The following RAC1 variants were observed in gnomAD, a reference collection of about 807,000 sequenced individuals.
RAC1 encodes the protein Rac family small GTPase 1, also known as ras-related C3 botulinum toxin substrate 1.
RAC1 carries 2 observed loss-of-function variants against 25.2 expected under a neutral mutation model. The ratio of observed to expected loss-of-function variants is 0.08; its 90% CI spans 0.03 to 0.25. The LOEUF is 0.25. RAC1 is among the 10% of genes least tolerant of loss of function. RAC1 has a pLI of 1.00. For missense variants in RAC1, 50 were observed against 235.7 expected (o/e 0.21, Z 5.16); for synonymous variants, 88 against 94.0 (o/e 0.94, Z 0.37).
intron 1 of RAC1, among the ~76,000 whole-genome samples, chr7:6,385,187 C>T (rs546346072): frequency 1.3e-5 from 2 of 152,182 alleles, no homozygotes; most frequent in Non-Finnish European, 2.9e-5. Flanking sequence ...ACAGTTATCA[C>T]ACGCATAATT....
At chr7:6,389,854 T>G (rs1783037185) in intron 2 of RAC1, among the ~76,000 whole-genome samples, 1 of 152,124 alleles carries the variant, frequency 6.6e-6, no homozygotes, top group Non-Finnish European at 1.5e-5. Context: ...ACATTTTTAG[T>G]CTCTTGTGAA....
chr7:6,393,840 A>G (rs901875233), intron 3 of RAC1, among the ~76,000 whole-genome samples: 1 of 152,180 alleles, frequency 6.6e-6, no homozygotes, highest in African/African-American at 2.4e-5. Flanking sequence ...CAGTGGAAGC[A>G]TTCCTGTCTG....
At chr7:6,391,025 T>C (rs1165367974) in intron 2 of RAC1, among the ~76,000 whole-genome samples, 1 of 152,120 alleles carries the variant, frequency 6.6e-6, no homozygotes, top group Non-Finnish European at 1.5e-5. Context: ...GCCTCCCAAG[T>C]AGCTGGGACT....
chr7:6,392,603 G>C (rs1783119237), intron 3 of RAC1, among the ~76,000 whole-genome samples: 1 of 152,188 alleles, frequency 6.6e-6, no homozygotes, highest in Admixed American at 6.5e-5. Flanking sequence ...TTCTGTATCA[G>C]ACAACTAAGT....
At chr7:6,402,191 A>G in intron 5 of RAC1, 125 bp from the exon 6 acceptor site, 1 of 1,468,276 alleles carries the variant, frequency 6.8e-7, no homozygotes, top group Middle Eastern at 1.9e-4. Flanking sequence ...TCAGCGTTGG[A>G]AGGTGGAAGC....
intron 1 of RAC1, among the ~76,000 whole-genome samples, chr7:6,378,213 C>T (rs575391665): frequency 6.6e-5 from 10 of 152,088 alleles, no homozygotes; most frequent in Non-Finnish European, 1.3e-4. Context: ...TTTTTTCCTT[C>T]TGGGACCCTG....
chr7:6,374,658 C>A lies in RAC1; in HGVS notation c.-78C>A. The A allele has an allele frequency of 1.0e-6, 1 of 992,368 alleles. No homozygotes were observed. The allele number at this position is 992,368 out of a possible 1,614,324, so 61.5% of individuals were successfully genotyped here. ...GCCCCGCCGCCCGCAAGCCGCGCGC[C>A]CGTCCGCCGCGCCCCGAGCCCGCCG... On this transcript the variant is annotated 5_prime_UTR_variant, in exon 1 of 6. Transcript: ENST00000348035.
intron 1 of RAC1, among the ~76,000 whole-genome samples, chr7:6,379,133 A>G (rs1782690769): frequency 6.6e-6 from 1 of 152,112 alleles, no homozygotes; most frequent in Non-Finnish European, 1.5e-5. Flanking sequence ...AGGTATTTAT[A>G]AACAACTTTT....
At chr7:6,375,718 T>A (rs530325711) in intron 1 of RAC1, 1 of 151,986 alleles carries the variant, frequency 6.6e-6, no homozygotes, top group Non-Finnish European at 1.5e-5. Context: ...AAAAAACTGT[T>A]CTTTGCTTAA....
At chr7:6,380,824 C>T (rs1292247676) in intron 1 of RAC1, among the ~76,000 whole-genome samples, 1 of 152,076 alleles carries the variant, frequency 6.6e-6, no homozygotes, top group Non-Finnish European at 1.5e-5. Context: ...CAGAGGGAAC[C>T]TTTTAAGAGG....
intron 3 of RAC1, 54 bp downstream of exon 3, chr7:6,392,095 C>T (rs949459167): frequency 8.7e-6 from 14 of 1,608,280 alleles, no homozygotes; most frequent in Admixed American, 5.0e-5. Context: ...AATTCTCGAG[C>T]GCTTAATTAG....
chr7:6,396,555 C>G (rs1783240292), intron 3 of RAC1, among the ~76,000 whole-genome samples: 1 of 152,118 alleles, frequency 6.6e-6, no homozygotes, highest in Non-Finnish European at 1.5e-5. Context: ...CGAAAGCATG[C>G]CACAGATACG....
At chr7:6,378,913 C>A (rs1016168024) in intron 1 of RAC1, among the ~76,000 whole-genome samples, 27 of 152,050 alleles carry the variant, frequency 1.8e-4, no homozygotes, top group African/African-American at 5.8e-4. Context: ...TATGGTGAAA[C>A]CCTGTCTCTA....
At chr7:6,397,238 C>A (rs1351440033) in intron 3 of RAC1, among the ~76,000 whole-genome samples, 1 of 66,428 alleles carries the variant, frequency 1.5e-5, no homozygotes, top group Non-Finnish European at 2.4e-5. Context: ...GAGACTCTGT[C>A]TCAAAAAAAA....
chr7:6,401,091 G>A (rs1336343356), intron 4 of RAC1, among the ~76,000 whole-genome samples: 2 of 152,070 alleles, frequency 1.3e-5, no homozygotes, highest in Admixed American at 1.3e-4. Flanking sequence ...TAGTAGCTGG[G>A]ATTACAGGTG....
intron 1 of RAC1, among the ~76,000 whole-genome samples, chr7:6,382,160 A>G (rs750643991): frequency 1.3e-5 from 2 of 151,876 alleles, no homozygotes; most frequent in East Asian, 3.9e-4. Context: ...CACTCAGCTA[A>G]TTTTTTGTAT....
chr7:6,376,501 C>CTTTT (rs1782601672), intron 1 of RAC1, among the ~76,000 whole-genome samples: 1 of 91,194 alleles, frequency 1.1e-5, no homozygotes, highest in African/African-American at 5.2e-5. Flanking sequence ...TTTTTTTTTT[C>CTTTT]TTTTCTTTTT....
intron 1 of RAC1, among the ~76,000 whole-genome samples, chr7:6,383,980 G>A (rs71531383): frequency 6.6e-6 from 1 of 151,438 alleles, no homozygotes; most frequent in Admixed American, 6.6e-5. Context: ...ATTTTTAGTA[G>A]AGAGGGGTTT....
In RAC1 at chr7:6,403,011, C is replaced by T. The variant is rs1783463342; in HGVS notation, c.*565C>T. 5.1e-6 allele frequency: 1 copy of T among 194,358 alleles called. No individual in the cohort carries two copies. Among genetic ancestry groups the T allele is most frequent in the Admixed American group, 6.1e-5 (1 of 16,348 alleles). The allele number at this position is 194,358 out of a possible 1,614,324, so 12.0% of individuals were successfully genotyped here. On this transcript the variant is annotated 3_prime_UTR_variant, in exon 6 of 6. Coordinates refer to ENST00000348035, the MANE Select transcript of RAC1 (RefSeq NM_006908.5). The stretch of plus-strand genomic sequence containing the variant: ...CTGTAATGGAGTGAGCGTAGCAGCT[C>T]AGCTCTTTGGATCAGTCTTTGTGAT...
Sources: allele counts gnomAD v4.1 joint callset (sites outside exome capture counted in the v4.1 genomes callset), GRCh38; gene constraint gnomAD v4.1.1; transcripts MANE v1.5; gene names NCBI Gene and HGNC (gene_info 2026-07-23, HGNC 2026-07-21).